The following PTPRT variants were observed in gnomAD, a reference collection of about 807,000 sequenced individuals.
PTPRT encodes the protein receptor-type tyrosine-protein phosphatase T.
PTPRT carries 56 observed loss-of-function variants against 176.8 expected under a neutral mutation model. That is an observed-to-expected ratio of 0.32 (90% CI 0.26 to 0.40). The LOEUF is 0.40. PTPRT is among the 10% of genes least tolerant of loss of function. The pLI is 1.00. For synonymous variants in PTPRT, 783 were observed against 739.0 expected (o/e 1.06, Z -0.96); for missense variants, 1,540 against 1,908.2 (o/e 0.81, Z 3.60).
chr20:42,617,007 G>C (rs1202725170), intron 7 of PTPRT, among the ~76,000 whole-genome samples: 1 of 135,678 alleles, frequency 7.4e-6, no homozygotes, highest in East Asian at 2.0e-4. Flanking sequence ...GGGCATCCCT[G>C]TCTTGTGCCA....
At chr20:42,170,843 G>A (rs944055761) in intron 16 of PTPRT, among the ~76,000 whole-genome samples, 2 of 152,052 alleles carry the variant, frequency 1.3e-5, no homozygotes, top group African/African-American at 2.4e-5. Flanking sequence ...CAACTCATTG[G>A]CAAAATAAAA....
At chr20:42,994,728 T>C (rs759119058) in intron 1 of PTPRT, among the ~76,000 whole-genome samples, 60 of 152,362 alleles carry the variant, frequency 3.9e-4, no homozygotes, top group Admixed American at 1.6e-3. Context: ...CATAAAACTT[T>C]AAAGAAATGT....
At chr20:42,620,342 A>G (rs1315483470) in intron 7 of PTPRT, among the ~76,000 whole-genome samples, 5 of 148,898 alleles carry the variant, frequency 3.4e-5, no homozygotes, top group East Asian at 1.9e-4. Flanking sequence ...TGCTCTCTTC[A>G]AAGCTGTCAG....
intron 3 of PTPRT, 65 bp downstream of exon 3, chr20:42,791,130 G>A (rs2145545121): frequency 1.3e-6 from 2 of 1,507,540 alleles, no homozygotes; most frequent in Non-Finnish European, 8.9e-7. Flanking sequence ...GCACCTGTAG[G>A]GAGAGCAAAG....
At chr20:42,849,191 C>A (rs1162022874) in intron 2 of PTPRT, among the ~76,000 whole-genome samples, 1 of 152,084 alleles carries the variant, frequency 6.6e-6, no homozygotes, top group Non-Finnish European at 1.5e-5. Flanking sequence ...TATACCAGTA[C>A]CCATGCTGAG....
intron 7 of PTPRT, among the ~76,000 whole-genome samples, chr20:42,608,206 T>C (rs1426750673): frequency 6.6e-6 from 1 of 152,150 alleles, no homozygotes; most frequent in African/African-American, 2.4e-5. Flanking sequence ...TAGCCACAGC[T>C]GAGGTGCCTC....
intron 1 of PTPRT, among the ~76,000 whole-genome samples, chr20:43,154,401 A>C (rs1445305768): frequency 6.6e-6 from 1 of 152,210 alleles, no homozygotes; most frequent in Non-Finnish European, 1.5e-5. Flanking sequence ...TGCCAGTACC[A>C]TGCTGCTTTA....
the PTPRT span, among the ~76,000 whole-genome samples, chr20:42,066,494 T>A: frequency 2.0e-5 from 3 of 152,212 alleles, no homozygotes; most frequent in Non-Finnish European, 2.9e-5. Flanking sequence ...CTGTGCAATT[T>A]CTTCATAATA....
intron 7 of PTPRT, among the ~76,000 whole-genome samples, chr20:42,607,968 C>A (rs928239749): frequency 2.0e-5 from 3 of 152,134 alleles, no homozygotes; most frequent in African/African-American, 7.2e-5. Flanking sequence ...TGACACTGGC[C>A]GTGTGTCACA....
At chr20:42,208,649 C>T (rs2055536145) in intron 15 of PTPRT, among the ~76,000 whole-genome samples, 1 of 151,884 alleles carries the variant, frequency 6.6e-6, no homozygotes, top group South Asian at 2.1e-4. Context: ...TAAAGCAAGT[C>T]CTGAGTGACC....
At chr20:42,847,489 G>A (rs763206358) in intron 2 of PTPRT, among the ~76,000 whole-genome samples, 26 of 152,182 alleles carry the variant, frequency 1.7e-4, no homozygotes, top group Non-Finnish European at 3.8e-4. Context: ...GATTGAAAGG[G>A]TCGCGTGAAC....
intron 7 of PTPRT, among the ~76,000 whole-genome samples, chr20:42,641,012 A>G (rs2074734732): frequency 6.6e-6 from 1 of 152,158 alleles, no homozygotes; most frequent in Non-Finnish European, 1.5e-5. Context: ...TAGCATCTAT[A>G]ATTACCATTT....
chr20:42,416,416 T>C (rs1333287846), intron 9 of PTPRT, among the ~76,000 whole-genome samples: 1 of 152,160 alleles, frequency 6.6e-6, no homozygotes, highest in Non-Finnish European at 1.5e-5. Flanking sequence ...ATAGGGTTTG[T>C]GATAATGTGT....
intron 6 of PTPRT, among the ~76,000 whole-genome samples, chr20:42,727,216 T>C (rs961832615): frequency 1.3e-5 from 2 of 152,138 alleles, no homozygotes; most frequent in East Asian, 3.9e-4. Context: ...CCCGTTCCAA[T>C]GCAAGCAAAA....
intron 16 of PTPRT, among the ~76,000 whole-genome samples, chr20:42,169,288 T>G (rs577635361): frequency 6.6e-6 from 1 of 152,134 alleles, no homozygotes; most frequent in Non-Finnish European, 1.5e-5. Flanking sequence ...GGAACAGTCA[T>G]GGGAAAATGC....
At chr20:43,167,444 G>A (rs1291812962) in intron 1 of PTPRT, among the ~76,000 whole-genome samples, 1 of 152,114 alleles carries the variant, frequency 6.6e-6, no homozygotes, top group African/African-American at 2.4e-5. Context: ...AAAAAAAGAG[G>A]TGGGGTGGGA....
intron 1 of PTPRT, among the ~76,000 whole-genome samples, chr20:43,147,329 C>G (rs1289448180): frequency 5.9e-5 from 9 of 152,160 alleles, no homozygotes; most frequent in African/African-American, 2.2e-4. Flanking sequence ...CAACAGTACT[C>G]CCCTCATAAA....
At chr20:43,178,488 T>A (rs2015173232) in intron 1 of PTPRT, among the ~76,000 whole-genome samples, 1 of 152,050 alleles carries the variant, frequency 6.6e-6, no homozygotes, top group Admixed American at 6.6e-5. Flanking sequence ...AATGCAAAGG[T>A]TAAGAGATGG....
intron 1 of PTPRT, among the ~76,000 whole-genome samples, chr20:43,153,640 C>T (rs1325436901): frequency 6.6e-6 from 1 of 152,010 alleles, no homozygotes; most frequent in African/African-American, 2.4e-5. Context: ...TCTCCTCAAA[C>T]AAATGGAAAT....
Sources: gnomAD v4.1 joint callset for allele counts (sites outside exome capture counted in the v4.1 genomes callset) on GRCh38, gnomAD v4.1.1 for gene constraint, MANE v1.5 for transcripts, NCBI Gene and HGNC (gene_info 2026-07-23, HGNC 2026-07-21) for gene names.